The following SMARCAD1 variants were observed in gnomAD, a reference collection of about 807,000 sequenced individuals.
The protein encoded by SMARCAD1 is SNF2 related chromatin remodeling ATPase with DExD box 1.
In SMARCAD1, 25 loss-of-function variants were observed where a neutral mutation model predicts 127.1. That is an observed-to-expected ratio of 0.20 (90% CI 0.14 to 0.27). The LOEUF (loss-of-function observed/expected upper bound fraction) is 0.27, where lower values mean the gene tolerates loss of function less well. Among genes scored for constraint, SMARCAD1 ranks in the 10% least tolerant of loss-of-function variants. The probability of loss-of-function intolerance (pLI) is 1.00; values close to 1 mark genes in which losing one functional copy is unlikely to be tolerated. For missense variants in SMARCAD1, 807 were observed against 1,206.0 expected, an observed-to-expected ratio of 0.67 and a Z score of 4.90; for synonymous variants, 400 against 396.9, an observed-to-expected ratio of 1.01 and a Z score of -0.09.
At chr4:94,276,985 A>C (rs763301208) in intron 15 of SMARCAD1, 37 bp from the exon 16 acceptor site, 14 of 1,612,906 alleles carry the variant, frequency 8.7e-6, no homozygotes, top group Middle Eastern at 1.6e-4. Flanking sequence ...GTGGCTCTTT[A>C]AGAAAAAGCT....
intron 22 of SMARCAD1, among the ~76,000 whole-genome samples, chr4:94,284,077 T>G (rs1754495563): frequency 6.6e-6 from 1 of 151,742 alleles, no homozygotes; most frequent in South Asian, 2.1e-4. Flanking sequence ...ATCCTAGCAC[T>G]TTGGGAGGCG....
intron 6 of SMARCAD1, among the ~76,000 whole-genome samples, chr4:94,247,479 G>A (rs569028110): frequency 3.1e-4 from 47 of 152,282 alleles, no homozygotes; most frequent in Admixed American, 8.5e-4. Flanking sequence ...ATTTGATTCC[G>A]AAGAGCTGTT....
At chr4:94,227,834 T>A (rs1423471031) in intron 3 of SMARCAD1, among the ~76,000 whole-genome samples, 1 of 152,142 alleles carries the variant, frequency 6.6e-6, no homozygotes, top group African/African-American at 2.4e-5. Context: ...GACAGAGTAT[T>A]GGTTTGCTAT....
At chr4:94,223,048 A>T (rs549408815) in intron 2 of SMARCAD1, among the ~76,000 whole-genome samples, 4 of 152,152 alleles carry the variant, frequency 2.6e-5, no homozygotes, top group Non-Finnish European at 5.9e-5. Flanking sequence ...AACAAAGAAA[A>T]GGTCAATAAA....
chr4:94,214,717 A>G (rs939361151), intron 2 of SMARCAD1, among the ~76,000 whole-genome samples: 4 of 152,050 alleles, frequency 2.6e-5, no homozygotes, highest in African/African-American at 7.2e-5. Flanking sequence ...CCTGGGGGGG[A>G]TAATTGAAGG....
chr4:94,277,708 C>T (rs573728302), intron 16 of SMARCAD1, among the ~76,000 whole-genome samples: 4 of 152,194 alleles, frequency 2.6e-5, no homozygotes, highest in Non-Finnish European at 5.9e-5. Context: ...TTTTCAATAC[C>T]GCAGTGTTTA....
chr4:94,222,433 C>T (rs762120626), intron 2 of SMARCAD1, among the ~76,000 whole-genome samples: 3 of 144,970 alleles, frequency 2.1e-5, no homozygotes, highest in Non-Finnish European at 4.5e-5. Flanking sequence ...CTTTTCCTCA[C>T]CCAGCCCCCC....
chr4:94,239,698 A>T (rs1747289892), intron 5 of SMARCAD1, among the ~76,000 whole-genome samples: 1 of 151,802 alleles, frequency 6.6e-6, no homozygotes, highest in Non-Finnish European at 1.5e-5. Flanking sequence ...TCAGCCTTCC[A>T]AGTAGCTGGG....
chr4:94,256,076 G>A (rs1750028821), intron 9 of SMARCAD1, among the ~76,000 whole-genome samples: 1 of 152,126 alleles, frequency 6.6e-6, no homozygotes, highest in Admixed American at 6.5e-5. Flanking sequence ...GTCTAGCCTT[G>A]CACACAGTAG....
intron 4 of SMARCAD1, among the ~76,000 whole-genome samples, chr4:94,235,899 A>G (rs906231301): frequency 2.6e-5 from 4 of 152,086 alleles, no homozygotes; most frequent in African/African-American, 4.8e-5. Flanking sequence ...ATTTCCCTGA[A>G]TGTTTCATAA....
chr4:94,231,822 A>C (rs1337546786), intron 3 of SMARCAD1, among the ~76,000 whole-genome samples: 1 of 151,948 alleles, frequency 6.6e-6, no homozygotes, highest in Non-Finnish European at 1.5e-5. Context: ...GCTTCTCTAA[A>C]GAGATCAAGT....
intron 10 of SMARCAD1, among the ~76,000 whole-genome samples, chr4:94,267,358 C>T (rs1751882034): frequency 6.6e-6 from 1 of 152,150 alleles, no homozygotes; most frequent in South Asian, 2.1e-4. Context: ...GTATTTGCAG[C>T]AGCCATGTCA....
At chr4:94,255,668 T>C (rs552597348) in intron 9 of SMARCAD1, among the ~76,000 whole-genome samples, 1 of 152,034 alleles carries the variant, frequency 6.6e-6, no homozygotes, top group African/African-American at 2.4e-5. Context: ...ATGACTTATT[T>C]GTCAGATAAT....
chr4:94,280,321 C>T (rs1753845938), intron 19 of SMARCAD1, among the ~76,000 whole-genome samples: 1 of 152,082 alleles, frequency 6.6e-6, no homozygotes, highest in Admixed American at 6.6e-5. Context: ...TTCATCTATA[C>T]CCCAGACTTC....
chr4:94,221,725 G>A (rs539493588), intron 2 of SMARCAD1, among the ~76,000 whole-genome samples: 19 of 152,178 alleles, frequency 1.2e-4, no homozygotes, highest in African/African-American at 2.4e-4. Context: ...TCCAACTCCC[G>A]TTTAGCTCTT....
intron 2 of SMARCAD1, among the ~76,000 whole-genome samples, chr4:94,219,655 G>C (rs547798468): frequency 6.6e-6 from 1 of 152,298 alleles, no homozygotes; most frequent in Non-Finnish European, 1.5e-5. Flanking sequence ...AATAATGTAA[G>C]TTCCCATTAC....
In SMARCAD1 at chr4:94,226,165, T is replaced by A; in HGVS notation, c.237T>A (p.Ser79Arg). The A allele has an allele frequency of 6.2e-7, 1 of 1,611,964 alleles. No homozygotes were observed. Among genetic ancestry groups the A allele is most frequent in the African/African-American group, 1.3e-5 (1 of 74,998 alleles). Residue 79 changes from serine to arginine, a missense_variant, in exon 3 of 24, where the codon AGT (serine) becomes AGA (arginine). By Grantham distance (110) the Ser-to-Arg change is moderately radical (BLOSUM62 -1). Around this residue, in one of 8 missense-constraint regions of SMARCAD1, gnomAD observed 175 missense variants for 169.5 expected, o/e 1.03. Transcript: ENST00000354268. ...CTCCAGATAATGAAAGAAAAGCAAG[T>A]ATATCATATTTCAAAAATCAAAGAG... ...PETPDNERKA[S>R]ISYFKNQRGI...
Position 94,283,315 on chromosome 4 carries a change from T to C in SMARCAD1, c.2909+12T>C. The C allele has an allele frequency of 6.2e-7, 1 of 1,610,364 alleles. No individual in the cohort carries two copies. The highest frequency in any genetic ancestry group is 8.5e-7 in the Non-Finnish European group (1 of 1,178,322). On this transcript the variant is annotated intron_variant, in intron 22 of 23. Coordinates refer to ENST00000354268, the MANE Select transcript of SMARCAD1 (RefSeq NM_020159.5). ...GTAGGCCAGACTAAGTAAGTGTTTT[T>C]AGTTGGAATGTATTTTTAATTCAGT...
chr4:94,227,363 C>G (rs1745186372), intron 3 of SMARCAD1, among the ~76,000 whole-genome samples: 1 of 152,086 alleles, frequency 6.6e-6, no homozygotes. Context: ...GTAAAATTAT[C>G]TGAGTTAGAT....
Sources: gnomAD v4.1 joint callset for allele counts (sites outside exome capture counted in the v4.1 genomes callset) on GRCh38, gnomAD v4.1.1 for gene constraint, gnomAD v4.1.1 regional missense constraint, MANE v1.5 for transcripts, NCBI Gene and HGNC (gene_info 2026-07-23, HGNC 2026-07-21) for gene names.